The following EGF variants were observed in gnomAD, a reference collection of about 807,000 sequenced individuals.
EGF encodes the protein epidermal growth factor, also known as pro-epidermal growth factor.
EGF carries 95 observed loss-of-function variants against 143.8 expected under a neutral mutation model. The observed-to-expected ratio is 0.66, with a 90% CI of 0.56 to 0.78. EGF has a LOEUF of 0.78. Among genes scored for constraint, EGF ranks in the 30% least tolerant of loss-of-function variants. The pLI is 0.00. For synonymous variants in EGF, 510 were observed against 510.5 expected, an observed-to-expected ratio of 1.00 and a Z score of 0.01; for missense variants, 1,320 against 1,470.9, an observed-to-expected ratio of 0.90 and a Z score of 1.68.
rs57788647 is a variant in EGF, at chr4:109,927,806, C to CGTGTGT, written c.128-13102_128-13097dup. ...CAGGATAGTGATTTCTGAATTTTGC[C>CGTGTGT]GTGTGTGTGTGTGTGTGTGTGTGTG... is the stretch of plus-strand genomic sequence containing the variant. On this transcript the variant is annotated intron_variant, in intron 1 of 23. Coordinates refer to ENST00000265171, the MANE Select transcript of EGF (RefSeq NM_001963.6). Among the ~76,000 whole-genome samples, 780 of 136,376 alleles carry CGTGTGT rather than the reference C, an allele frequency of 5.7e-3. 8 individuals carry two copies. Among genetic ancestry groups the CGTGTGT allele is most frequent in the African/African-American group, 0.018 (647 of 35,466 alleles). The allele number at this position is 136,376 out of a possible 152,430, so 89.5% of individuals were successfully genotyped here. A position where few individuals can be genotyped will look rare whatever the true frequency, so the allele number is the denominator to read the frequency against.
Position 109,995,022 on chromosome 4 carries a change from A to G in EGF, c.3005+142A>G, listed in dbSNP as rs909220759. 38 of 936,134 alleles carry G rather than the reference A, an allele frequency of 4.1e-5. No individual in the cohort carries two copies. The Admixed American group carries it at 7.6e-4, about 19-fold the overall frequency. The allele number at this position is 936,134 out of a possible 1,614,324, so 58.0% of individuals were successfully genotyped here. A position where few individuals can be genotyped will look rare whatever the true frequency, so the allele number is the denominator to read the frequency against. ...AAATATAAACATACACATATGAACC[A>G]CGTGTGTGCACTTCATTGCATGCTC... On this transcript the variant is annotated intron_variant, in intron 20 of 23. Coordinates refer to ENST00000265171, the MANE Select transcript of EGF (RefSeq NM_001963.6).
rs1173155227 is a variant in EGF at position 109,983,343 on chromosome 4, G to T, written c.2372-79G>T. The T allele has an allele frequency of 2.0e-6, 3 of 1,505,334 alleles. No individual in the cohort carries two copies. In the African/African-American group the frequency reaches 4.1e-5, roughly 21 times the overall value. The allele number at this position is 1,505,334 out of a possible 1,614,324, so 93.2% of individuals were successfully genotyped here. On this transcript the variant is annotated intron_variant, in intron 15 of 23. Coordinates refer to ENST00000265171, the MANE Select transcript of EGF (RefSeq NM_001963.6). ...AGTCTGAACTCACAACCAATGAATA[G>T]TCGTAAACATAAATGAAATCAAACT...
chr4:110,001,484 T>C (rs765140379), intron 21 of EGF, among the ~76,000 whole-genome samples: 32 of 152,222 alleles, frequency 2.1e-4, no homozygotes, highest in Non-Finnish European at 2.4e-4. Flanking sequence ...AGAAAGAATA[T>C]TGAATGATCA....
At chr4:109,954,727 G>A (rs146355225) in intron 5 of EGF, among the ~76,000 whole-genome samples, 1 of 152,104 alleles carries the variant, frequency 6.6e-6, no homozygotes, top group African/African-American at 2.4e-5. Flanking sequence ...TTATGCAAAT[G>A]CATAAATATA....
intron 7 of EGF, 52 bp downstream of exon 7, chr4:109,961,041 T>C (rs1454012537): frequency 1.2e-6 from 2 of 1,604,254 alleles, no homozygotes; most frequent in Non-Finnish European, 1.7e-6. Flanking sequence ...ATTTTCAATA[T>C]GTTTCTAAGG....
chr4:109,965,759 A>C (rs978183783), intron 10 of EGF, among the ~76,000 whole-genome samples: 1 of 152,136 alleles, frequency 6.6e-6, no homozygotes, highest in African/African-American at 2.4e-5. Flanking sequence ...ACCCCTGACC[A>C]CTAAATCAGT....
At chr4:109,995,033 C>T (rs1751574316) in intron 20 of EGF, among the ~76,000 whole-genome samples, 153 bp downstream of exon 20, 1 of 152,198 alleles carries the variant, frequency 6.6e-6, no homozygotes, top group Non-Finnish European at 1.5e-5. Context: ...CGTGTGTGCA[C>T]TTCATTGCAT....
chr4:110,004,754 GA>G (rs1327660166), intron 22 of EGF, 132 bp downstream of exon 22: 1 of 370,396 alleles, frequency 2.7e-6, no homozygotes, highest in Non-Finnish European at 5.2e-6. Context: ...TGTTAGCCAA[GA>G]CCACATCAGC....
chr4:109,980,830 A>T lies in EGF; in HGVS notation c.2226A>T (p.Ala742=). The T allele has an allele frequency of 1.2e-5, 20 of 1,614,096 alleles. No homozygotes were observed. The highest frequency in any genetic ancestry group is 1.7e-5 in the Non-Finnish European group (20 of 1,179,952). The change falls in exon 15 of 24, where the codon GCA becomes GCT. Residue 742 remains alanine (A), a synonymous_variant. Coordinates refer to ENST00000265171, the MANE Select transcript of EGF (RefSeq NM_001963.6). ...TTTGTTTCTTTTCTCTACTAGGAGC[A>T]GATCCCTGCTTATATCAAAACGGAG... ...VVVHPLAKPG[A]DPCLYQNGGC...
At chr4:109,983,304 T>G in intron 15 of EGF, 118 bp from the exon 16 acceptor site, 1 of 1,205,236 alleles carries the variant, frequency 8.3e-7, no homozygotes, top group East Asian at 2.6e-5. Context: ...CTGAATCCTC[T>G]TACTGTAAGA....
chr4:109,974,063 C>T (rs1748089078), intron 11 of EGF, among the ~76,000 whole-genome samples: 1 of 152,108 alleles, frequency 6.6e-6, no homozygotes, highest in South Asian at 2.1e-4. Context: ...ACTGTATTTA[C>T]ATAGCATTTA....
chr4:110,001,321 C>A (rs1457299001), intron 21 of EGF, among the ~76,000 whole-genome samples: 1 of 152,182 alleles, frequency 6.6e-6, no homozygotes, highest in Non-Finnish European at 1.5e-5. Context: ...TGAACTGTAA[C>A]CTTCCCCCAA....
intron 10 of EGF, among the ~76,000 whole-genome samples, chr4:109,964,849 A>G (rs895162799): frequency 5.9e-5 from 9 of 152,320 alleles, no homozygotes; most frequent in Admixed American, 3.9e-4. Context: ...TGTCATGCAT[A>G]TAGAAGGAGC....
chr4:109,989,111 T>C (rs1453374323), intron 18 of EGF, among the ~76,000 whole-genome samples: 1 of 152,188 alleles, frequency 6.6e-6, no homozygotes, highest in Admixed American at 6.5e-5. Context: ...TTGTTGGAAG[T>C]CACTGCTGTG....
intron 11 of EGF, among the ~76,000 whole-genome samples, chr4:109,970,824 C>CGAAAAAAA (rs1747513015): frequency 1.4e-5 from 1 of 72,974 alleles, no homozygotes; most frequent in Non-Finnish European, 2.6e-5. Context: ...GACTCCGTCT[C>CGAAAAAAA]AAAAAAAAAA....
rs1578398179 is a variant in EGF, at chr4:110,002,090, C to G, written c.3173+2244C>G. 4.1e-6 allele frequency: 4 copies of G among 964,794 alleles called. No individual in the cohort carries two copies. In the African/African-American group the frequency reaches 7.0e-5, roughly 17 times the overall value. The allele number at this position is 964,794 out of a possible 1,614,324, so 59.8% of individuals were successfully genotyped here. ...TGAGTTTTTAAGTTAGACATGCTAA[C>G]TGTTTTTCTTTAAAGGGTTAAAATC... On this transcript the variant is annotated intron_variant, in intron 21 of 23. Coordinates refer to ENST00000265171, the MANE Select transcript of EGF (RefSeq NM_001963.6).
intron 11 of EGF, among the ~76,000 whole-genome samples, chr4:109,971,867 T>A (rs1056278621): frequency 6.6e-6 from 1 of 152,118 alleles, no homozygotes; most frequent in African/African-American, 2.4e-5. Flanking sequence ...AAAAGACAGA[T>A]TCAAATTAAC....
intron 1 of EGF, among the ~76,000 whole-genome samples, chr4:109,938,497 C>A (rs1055712432): frequency 3.9e-5 from 6 of 152,184 alleles, no homozygotes; most frequent in Admixed American, 3.9e-4. Context: ...TATTACTGAT[C>A]TTCTGAAGCC....
rs1471937197 is a variant in EGF, at chr4:110,011,242, A to T, written c.3411A>T (p.Leu1137Phe). 3.7e-6 allele frequency: 6 copies of T among 1,614,036 alleles called. No homozygotes were observed. The African/African-American group carries it at 5.3e-5, about 14-fold the overall frequency. The change falls in exon 24 of 24, where the codon TTA becomes TTT. Residue 1137 changes from leucine (L) to phenylalanine (F), a missense_variant. Physicochemically the swap from Leu to Phe is conservative, Grantham distance 22. Transcript: ENST00000265171. ...QPTSWRQEPQ[L>F]CGMGTEQGCW... ...CTTCATGGAGGCAGGAGCCCCAGTT[A>T]TGTGGAATGGGCACAGAGCAAGGCT...
Sources: gnomAD v4.1 joint callset for allele counts (sites outside exome capture counted in the v4.1 genomes callset) on GRCh38, gnomAD v4.1.1 for gene constraint, MANE v1.5 for transcripts, NCBI Gene and HGNC (gene_info 2026-07-23, HGNC 2026-07-21) for gene names.